The following TESK2 variants were observed in gnomAD, a reference collection of about 807,000 sequenced individuals.
TESK2 encodes the protein testis associated actin remodelling kinase 2.
TESK2 carries 39 observed loss-of-function variants against 57.1 expected under a neutral mutation model. That is an observed-to-expected ratio of 0.68 (90% CI 0.53 to 0.89). The LOEUF (loss-of-function observed/expected upper bound fraction) is 0.89. Among genes scored for constraint, TESK2 ranks in the 40% least tolerant of loss-of-function variants. The pLI is 0.00. For synonymous variants in TESK2, 249 were observed against 267.9 expected, an observed-to-expected ratio of 0.93 and a Z score of 0.69; for missense variants, 646 against 732.1, an observed-to-expected ratio of 0.88 and a Z score of 1.36.
At chr1:45,428,895 C>T (rs538551492) in intron 2 of TESK2, among the ~76,000 whole-genome samples, 3 of 137,498 alleles carry the variant, frequency 2.2e-5, no homozygotes, top group African/African-American at 8.4e-5. Context: ...GATCTTGGCT[C>T]GCTGCAAGCT....
At position 45,344,102 on chromosome 1, in the gene TESK2, A is replaced by T. The variant is rs1246212247; in HGVS notation, c.*738T>A. On this transcript the variant is annotated 3_prime_UTR_variant, in exon 11 of 11. Transcript: ENST00000372086. ...ATAAACCATTTAACCAATTGAATGT[A>T]TCACATGTTGATAAATACATAGAAG... The T allele has an allele frequency of 6.7e-5, 12 of 179,716 alleles. No homozygotes were observed. Among genetic ancestry groups the T allele is most frequent in the Non-Finnish European group, 1.4e-4 (12 of 83,126 alleles). 11.1% of individuals were successfully genotyped at this position (179,716 alleles called of 1,614,324 possible). A position where few individuals can be genotyped will look rare whatever the true frequency, so the allele number is the denominator to read the frequency against.
chr1:45,421,332 G>A (rs1384692988), intron 3 of TESK2, among the ~76,000 whole-genome samples: 1 of 152,112 alleles, frequency 6.6e-6, no homozygotes, highest in Non-Finnish European at 1.5e-5. Context: ...TAACTTGAGG[G>A]TGTAATTTTA....
chr1:45,420,541 G>A (rs2149286552), intron 3 of TESK2, among the ~76,000 whole-genome samples: 1 of 150,598 alleles, frequency 6.6e-6, no homozygotes, highest in East Asian at 2.0e-4. Flanking sequence ...ACAGGCATGA[G>A]CCATCATGCC....
intron 2 of TESK2, among the ~76,000 whole-genome samples, chr1:45,428,142 C>G (rs926614870): frequency 2.0e-5 from 3 of 152,182 alleles, no homozygotes; most frequent in Non-Finnish European, 4.4e-5. Context: ...ATACTAGGTA[C>G]TGCTGTATAA....
intron 1 of TESK2, among the ~76,000 whole-genome samples, chr1:45,489,944 T>A (rs961960611): frequency 2.3e-4 from 35 of 152,346 alleles, no homozygotes; most frequent in African/African-American, 8.2e-4. Context: ...CCTATTTCAA[T>A]TAACACTACC....
chr1:45,468,476 A>AGG (rs1048342285), intron 1 of TESK2, among the ~76,000 whole-genome samples: 88 of 152,358 alleles, frequency 5.8e-4, no homozygotes, highest in Middle Eastern at 6.8e-3. Flanking sequence ...AACTAATAAA[A>AGG]GGCAGCAAAG....
intron 4 of TESK2, among the ~76,000 whole-genome samples, chr1:45,371,459 A>G (rs2149270149): frequency 6.6e-6 from 1 of 152,380 alleles, no homozygotes; most frequent in African/African-American, 2.4e-5. Context: ...ATGCAACAAC[A>G]TGGATGAACC....
chr1:45,439,182 A>G (rs1651344715), intron 2 of TESK2, among the ~76,000 whole-genome samples: 1 of 152,216 alleles, frequency 6.6e-6, no homozygotes. Flanking sequence ...TCCTTAAACC[A>G]CAACTGTTAC....
chr1:45,483,503 A>C (rs558893713), intron 1 of TESK2, among the ~76,000 whole-genome samples: 1 of 151,814 alleles, frequency 6.6e-6, no homozygotes, highest in South Asian at 2.1e-4. Flanking sequence ...GAGGCTGAAG[A>C]GGGAGAACTG....
rs188908178 is a variant in TESK2, at chr1:45,407,376, T to A, written c.344+14349A>T. Among the ~76,000 whole-genome samples, 54 of 152,288 alleles carry A rather than the reference T, an allele frequency of 3.5e-4. 1 individual carries two copies. Among genetic ancestry groups the A allele is most frequent in the African/African-American group, 1.1e-3 (45 of 41,556 alleles). ...TGCCTGGCCAGCATTTACATTATTA[T>A]GACTGATTATAATCACTATGAGGCC... On this transcript the variant is annotated intron_variant, in intron 3 of 10. Transcript: ENST00000372086.
intron 4 of TESK2, among the ~76,000 whole-genome samples, chr1:45,381,327 G>A (rs746660815): frequency 1.3e-5 from 2 of 152,046 alleles, no homozygotes; most frequent in South Asian, 2.1e-4. Context: ...ATAACTTTGC[G>A]GCATATTCCT....
chr1:45,375,667 G>T (rs907549186), intron 4 of TESK2, among the ~76,000 whole-genome samples: 1 of 152,086 alleles, frequency 6.6e-6, no homozygotes, highest in African/African-American at 2.4e-5. Context: ...AGAGGCCAAG[G>T]TGGGAGGATC....
chr1:45,415,252 G>C, intron 3 of TESK2: 1 of 1,441,864 alleles, frequency 6.9e-7, no homozygotes, highest in Non-Finnish European at 9.7e-7. Context: ...GGTGAAAGAA[G>C]GCATGAATAT....
At chr1:45,358,868 CTT>C (rs559710236) in intron 4 of TESK2, among the ~76,000 whole-genome samples, 52 of 152,328 alleles carry the variant, frequency 3.4e-4, no homozygotes, top group African/African-American at 1.1e-3. Flanking sequence ...AGTCCATACT[CTT>C]TACCACTACG....
At chr1:45,398,611 C>A (rs1018529939) in intron 3 of TESK2, 1 of 162,052 alleles carries the variant, frequency 6.2e-6, no homozygotes, top group Non-Finnish European at 1.4e-5. Context: ...CTGCCTTCTA[C>A]ATCAAGTTTT....
At chr1:45,460,189 C>A (rs1213257280) in intron 1 of TESK2, among the ~76,000 whole-genome samples, 1 of 151,644 alleles carries the variant, frequency 6.6e-6, no homozygotes, top group African/African-American at 2.4e-5. Context: ...TGCACACATA[C>A]CTCCTGAATC....
intron 4 of TESK2, chr1:45,385,350 C>A: frequency 2.0e-6 from 2 of 985,196 alleles, no homozygotes; most frequent in Non-Finnish European, 2.4e-6. Context: ...ATGACTATCA[C>A]ATATTCCGCC....
intron 3 of TESK2, among the ~76,000 whole-genome samples, chr1:45,394,275 G>C (rs1232637060): frequency 6.7e-6 from 1 of 148,748 alleles, no homozygotes; most frequent in African/African-American, 2.5e-5. Flanking sequence ...CTGTCTCACT[G>C]TCTCAGCCTC....
Position 45,354,775 on chromosome 1 carries a change from T to C in TESK2, c.540+528A>G, listed in dbSNP as rs182782262. ...CTGTACTCCAGCCTGAGTGACAAGG[T>C]GAGACCGTCTCAAAAAAAAAAAAAA... On this transcript the variant is annotated intron_variant, in intron 5 of 10. Transcript: ENST00000372086. Among the ~76,000 whole-genome samples the C allele has an allele frequency of 2.3e-3, 228 of 97,286 alleles. 5 individuals carry two copies. The East Asian group carries it at 0.036, about 15-fold the overall frequency. 63.8% of individuals were successfully genotyped at this position (97,286 alleles called of 152,430 possible). A position where few individuals can be genotyped will look rare whatever the true frequency, so the allele number is the denominator to read the frequency against.
Sources: allele counts gnomAD v4.1 joint callset (sites outside exome capture counted in the v4.1 genomes callset), GRCh38; gene constraint gnomAD v4.1.1; transcripts MANE v1.5; gene names NCBI Gene and HGNC (gene_info 2026-07-23, HGNC 2026-07-21).